CARF: variants seen among roughly 807,000 people sequenced by gnomAD.
CARF encodes calcium responsive transcription factor.
A neutral mutation model predicts 82.0 loss-of-function variants in CARF; 57 were observed. The ratio of observed to expected loss-of-function variants is 0.70; its 90% CI spans 0.56 to 0.87. The LOEUF (loss-of-function observed/expected upper bound fraction) is 0.87, where lower values mean the gene tolerates loss of function less well. Among genes scored for constraint, CARF ranks in the 40% least tolerant of loss-of-function variants. CARF has a pLI of 0.00. For missense variants in CARF, 771 were observed against 855.8 expected (o/e 0.90, Z 1.24); for synonymous variants, 268 against 290.1 (o/e 0.92, Z 0.77).
intron 5 of CARF, 117 bp from the exon 6 acceptor site, chr2:202,952,442 G>A: frequency 6.3e-6 from 6 of 955,594 alleles, no homozygotes; most frequent in Admixed American, 5.6e-5. Flanking sequence ...TAAAATGGGG[G>A]AAATCATAGA....
At chr2:202,918,893 A>AC (rs1690269130) in intron 2 of CARF, among the ~76,000 whole-genome samples, 1 of 152,192 alleles carries the variant, frequency 6.6e-6, no homozygotes, top group African/African-American at 2.4e-5. Context: ...AAAGTCTTTA[A>AC]CCCATAGATT....
chr2:202,958,504 G>GT (rs1382972795), intron 8 of CARF, among the ~76,000 whole-genome samples: 2 of 152,056 alleles, frequency 1.3e-5, no homozygotes, highest in African/African-American at 4.8e-5. Flanking sequence ...CGTATATCTT[G>GT]TAAGAAACTG....
chr2:202,952,874 C>T (rs1449986242), intron 6 of CARF, among the ~76,000 whole-genome samples, 195 bp downstream of exon 6: 1 of 152,124 alleles, frequency 6.6e-6, no homozygotes, highest in Non-Finnish European at 1.5e-5. Context: ...TTAGCTATTT[C>T]ATTTAAGAAT....
intron 3 of CARF, among the ~76,000 whole-genome samples, chr2:202,928,216 C>T (rs1009023326): frequency 2.0e-5 from 3 of 152,196 alleles, no homozygotes; most frequent in Non-Finnish European, 4.4e-5. Context: ...TGAGTGAGAA[C>T]ATGCAGTATT....
intron 5 of CARF, among the ~76,000 whole-genome samples, chr2:202,944,948 GT>G (rs1039888010): frequency 3.9e-5 from 6 of 152,084 alleles, no homozygotes; most frequent in African/African-American, 1.4e-4. Flanking sequence ...TACAAAGTAA[GT>G]ACAAAGGTGG....
intron 3 of CARF, among the ~76,000 whole-genome samples, chr2:202,928,073 G>A (rs557661804): frequency 5.3e-5 from 8 of 152,198 alleles, no homozygotes; most frequent in Admixed American, 3.3e-4. Context: ...ATGAGCAACC[G>A]CACTCTGTCC....
At chr2:202,929,745 C>T (rs563248907) in intron 3 of CARF, among the ~76,000 whole-genome samples, 1 of 151,790 alleles carries the variant, frequency 6.6e-6, no homozygotes, top group Non-Finnish European at 1.5e-5. Context: ...GATTTCGGGG[C>T]TTTTGTTGTT....
At position 202,974,407 on chromosome 2, in the gene CARF, G is replaced by A. The variant is rs1302812877; in HGVS notation, c.1405G>A (p.Val469Ile). 1 of 1,609,986 alleles carries A rather than the reference G, an allele frequency of 6.2e-7. No individual in the cohort carries two copies. Among genetic ancestry groups the A allele is most frequent in the South Asian group, 1.1e-5 (1 of 90,136 alleles). The change falls in exon 13 of 17, where the codon GTA (valine) becomes ATA (isoleucine). Residue 469 changes from valine (V) to isoleucine (I), a missense_variant. Physicochemically the swap from Val to Ile is conservative, Grantham distance 29. Coordinates refer to ENST00000438828, the MANE Select transcript of CARF (RefSeq NM_024744.17). Reference sequence around the variant, plus strand: ...ACATAATTTATCTTTTTTTCCAACTGTAAATGATATAAAAAATCACATCCA... The same window carrying A: ...ACATAATTTATCTTTTTTTCCAACTATAAATGATATAAAAAATCACATCCA... ...ERHNLSFFPT[V>I]NDIKNHIHEV...
Position 202,984,209 on chromosome 2 carries a change from C to T in CARF, c.*585C>T, listed in dbSNP as rs1332678291. The T allele has an allele frequency of 6.6e-6, 1 of 152,184 alleles. No homozygotes were observed. Among genetic ancestry groups the T allele is most frequent in the African/African-American group, 2.4e-5 (1 of 41,446 alleles). 9.4% of individuals were successfully genotyped at this position (152,184 alleles called of 1,614,324 possible). On this transcript the variant is annotated 3_prime_UTR_variant, in exon 17 of 17. Coordinates refer to ENST00000438828, the MANE Select transcript of CARF (RefSeq NM_024744.17). The stretch of plus-strand genomic sequence containing the variant: ...TACATCTGTGGAAACTGTGCAGTTG[C>T]ATTTTAGCCTCTTCCCTTCCAATTT...
At position 202,945,915 on chromosome 2, in the gene CARF, T is replaced by C. The variant is rs6742590; in HGVS notation, c.306+2948T>C. On this transcript the variant is annotated intron_variant, in intron 5 of 16. Transcript: ENST00000438828. ...GCTTTCTACAATGGTTGAACAAATT[T>C]ACACTCCCACCAGAAAGTATATAAG... is the stretch of plus-strand genomic sequence containing the variant. 5.4e-3 allele frequency among the ~76,000 whole-genome samples: 827 copies of C among 152,298 alleles called. 11 individuals carry two copies. The highest frequency in any genetic ancestry group is 0.019 in the African/African-American group (780 of 41,562).
chr2:202,926,846 A>G lies in CARF; in HGVS notation c.-44+2431A>G, dbSNP rs145039020. 4.0e-3 allele frequency among the ~76,000 whole-genome samples: 613 copies of G among 152,252 alleles called. 4 individuals are homozygous for G. Among genetic ancestry groups the G allele is most frequent in the African/African-American group, 0.014 (581 of 41,540 alleles). Reference sequence around the variant, plus strand: ...TCCTAAATTTTTATTTTTTTGAGACAGGGTCTTGCTCTGTCGCCCAGGTTG... The same window carrying G: ...TCCTAAATTTTTATTTTTTTGAGACGGGGTCTTGCTCTGTCGCCCAGGTTG... On this transcript the variant is annotated intron_variant, in intron 3 of 16. Coordinates refer to ENST00000438828, the MANE Select transcript of CARF (RefSeq NM_024744.17).
intron 8 of CARF, among the ~76,000 whole-genome samples, chr2:202,958,846 A>G (rs2059174444): frequency 6.7e-6 from 1 of 148,194 alleles, no homozygotes; most frequent in African/African-American, 2.5e-5. Flanking sequence ...TGGAGGTTGC[A>G]GTGAGCTGAG....
intron 7 of CARF, among the ~76,000 whole-genome samples, chr2:202,954,798 A>G (rs1403900305): frequency 6.6e-6 from 1 of 151,586 alleles, no homozygotes; most frequent in African/African-American, 2.4e-5. Context: ...TCACGAGGTC[A>G]GGAGATTGAG....
intron 3 of CARF, 29 bp from the exon 4 acceptor site, chr2:202,941,831 T>C (rs772965397): frequency 1.7e-6 from 2 of 1,174,684 alleles, no homozygotes; most frequent in Non-Finnish European, 2.5e-6. Flanking sequence ...CTAAGTGCTT[T>C]AGTTGATCAG....
Position 202,941,913 on chromosome 2 carries a change from CTAAT to C in CARF, c.12_15del (p.Asn5IlefsTer3). The C allele has an allele frequency of 6.2e-7, 1 of 1,612,362 alleles. No individual in the cohort carries two copies. The highest frequency in any genetic ancestry group is 8.5e-7 in the Non-Finnish European group (1 of 1,178,766). On this transcript the variant is annotated frameshift_variant, in exon 4 of 17. Coordinates refer to ENST00000438828, the MANE Select transcript of CARF (RefSeq NM_024744.17). LOFTEE classifies it high-confidence loss of function. ...GAATATGATGTCAGCATGGAACAAT[CTAAT>C]GATTCATTAAGAGTCAACCATAATG...
intron 10 of CARF, among the ~76,000 whole-genome samples, chr2:202,967,883 G>A (rs1050124930): frequency 3.9e-5 from 6 of 152,152 alleles, no homozygotes; most frequent in Non-Finnish European, 1.5e-5. Flanking sequence ...GGACTACAGA[G>A]TAGTCATTGC....
chr2:202,914,340 A>G (rs1021266741), intron 1 of CARF, among the ~76,000 whole-genome samples: 7 of 152,104 alleles, frequency 4.6e-5, no homozygotes, highest in East Asian at 1.9e-4. Context: ...TTGGAGTCTT[A>G]ATTGTTCTTT....
At chr2:202,982,051 G>T in intron 15 of CARF, 21 bp from the exon 16 acceptor site, 1 of 1,602,308 alleles carries the variant, frequency 6.2e-7, no homozygotes. Context: ...ACATTTTGAT[G>T]TACTCTTTTT....
intron 9 of CARF, among the ~76,000 whole-genome samples, chr2:202,965,249 T>G (rs2059500098): frequency 6.6e-6 from 1 of 152,226 alleles, no homozygotes; most frequent in Non-Finnish European, 1.5e-5. Context: ...GAGCCTTGAT[T>G]AAATGCAGAT....
Sources: gnomAD v4.1 joint callset for allele counts (sites outside exome capture counted in the v4.1 genomes callset) on GRCh38, gnomAD v4.1.1 for gene constraint, MANE v1.5 for transcripts, NCBI Gene and HGNC (gene_info 2026-07-23, HGNC 2026-07-21) for gene names.